PSTPIP2: variants seen among roughly 807,000 people sequenced by gnomAD.
PSTPIP2 encodes the protein proline-serine-threonine phosphatase interacting protein 2.
A neutral mutation model predicts 63.3 loss-of-function variants in PSTPIP2; 33 were observed. The observed-to-expected ratio is 0.52, with a 90% CI of 0.40 to 0.70. The LOEUF (loss-of-function observed/expected upper bound fraction) is 0.70, where lower values mean the gene tolerates loss of function less well. PSTPIP2 is among the 30% of genes least tolerant of loss of function. PSTPIP2 has a pLI of 0.00. For synonymous variants in PSTPIP2, 125 were observed against 132.7 expected, an observed-to-expected ratio of 0.94 and a Z score of 0.40; for missense variants, 312 against 400.7, an observed-to-expected ratio of 0.78 and a Z score of 1.89.
chr18:46,012,428 G>C (rs2051808674), intron 4 of PSTPIP2, among the ~76,000 whole-genome samples: 1 of 152,184 alleles, frequency 6.6e-6, no homozygotes. Flanking sequence ...GAGATGTATA[G>C]TATAACAGCA....
At chr18:45,995,350 G>A (rs895873410) in intron 9 of PSTPIP2, among the ~76,000 whole-genome samples, 1 of 152,062 alleles carries the variant, frequency 6.6e-6, no homozygotes, top group South Asian at 2.1e-4. Context: ...CAATCCACCC[G>A]CATCAGCCTC....
chr18:46,071,599 C>T (rs1024722493), intron 1 of PSTPIP2, among the ~76,000 whole-genome samples: 4 of 152,136 alleles, frequency 2.6e-5, no homozygotes, highest in Non-Finnish European at 4.4e-5. Context: ...GGGAAAGCTC[C>T]AGCAAAGGGA....
intron 1 of PSTPIP2, among the ~76,000 whole-genome samples, chr18:46,050,255 A>T (rs1462800381): frequency 2.0e-5 from 3 of 152,208 alleles, no homozygotes; most frequent in African/African-American, 7.2e-5. Flanking sequence ...GTACACAAGG[A>T]TGTTCAGTGC....
At chr18:46,010,330 T>C (rs1010708820) in intron 5 of PSTPIP2, among the ~76,000 whole-genome samples, 3 of 151,802 alleles carry the variant, frequency 2.0e-5, no homozygotes, top group Admixed American at 2.0e-4. Flanking sequence ...GTGAAAGAGG[T>C]CACCAAAAGT....
chr18:46,006,530 C>T (rs900763162), intron 5 of PSTPIP2, among the ~76,000 whole-genome samples: 6 of 151,720 alleles, frequency 4.0e-5, no homozygotes, highest in African/African-American at 9.7e-5. Flanking sequence ...CCCGCCACCA[C>T]GCCCAGCTAA....
chr18:45,984,925 A>G lies in PSTPIP2; in HGVS notation c.*534T>C, dbSNP rs1470539238. On this transcript the variant is annotated 3_prime_UTR_variant, in exon 15 of 15. Transcript: ENST00000409746. ...CATCAGCTAGGAAAACTGTAAGGAA[A>G]TTAATTTCACACTTGTAGGCTTTAT... 6.5e-6 allele frequency: 1 copy of G among 154,704 alleles called. No homozygotes were observed. The highest frequency in any genetic ancestry group is 1.4e-5 in the Non-Finnish European group (1 of 69,614). 9.6% of individuals were successfully genotyped at this position (154,704 alleles called of 1,614,324 possible).
intron 4 of PSTPIP2, among the ~76,000 whole-genome samples, chr18:46,013,824 C>A (rs1311210329): frequency 6.6e-6 from 1 of 152,066 alleles, no homozygotes; most frequent in East Asian, 1.9e-4. Context: ...AGAACTTCAC[C>A]CCAACAGAGA....
chr18:46,070,531 G>A (rs1412886080), intron 1 of PSTPIP2, among the ~76,000 whole-genome samples: 1 of 152,170 alleles, frequency 6.6e-6, no homozygotes, highest in Non-Finnish European at 1.5e-5. Flanking sequence ...TCGTTTTTGA[G>A]ACAAACACAA....
chr18:46,045,870 C>T (rs183314504), intron 1 of PSTPIP2, among the ~76,000 whole-genome samples: 143 of 152,264 alleles, frequency 9.4e-4, no homozygotes, highest in African/African-American at 3.4e-3. Context: ...CTCACTTGAG[C>T]CCAGGAGGTT....
intron 5 of PSTPIP2, among the ~76,000 whole-genome samples, chr18:46,006,468 T>C (rs2051729157): frequency 6.7e-6 from 1 of 149,602 alleles, no homozygotes; most frequent in South Asian, 2.1e-4. Context: ...GCCTTCTGGT[T>C]TCAAGCGAGT....
At chr18:46,033,756 T>C (rs549506972) in intron 2 of PSTPIP2, among the ~76,000 whole-genome samples, 1 of 144,518 alleles carries the variant, frequency 6.9e-6, no homozygotes, top group East Asian at 2.0e-4. Context: ...CACAGGATGA[T>C]AGAGGAAGAG....
chr18:45,996,182 A>G (rs1163792784), intron 9 of PSTPIP2, among the ~76,000 whole-genome samples: 1 of 152,210 alleles, frequency 6.6e-6, no homozygotes, highest in Non-Finnish European at 1.5e-5. Flanking sequence ...GAAGTTGACA[A>G]GTTCTCCATG....
chr18:45,990,745 A>G lies in PSTPIP2; in HGVS notation c.932T>C (p.Leu311Pro). The G allele has an allele frequency of 6.2e-7, 1 of 1,606,058 alleles. No individual in the cohort carries two copies. The highest frequency in any genetic ancestry group is 8.5e-7 in the Non-Finnish European group (1 of 1,173,362). ...TGPNLARRGP[L>P]PIPKSSPDDP... ...ACCTGGTGAGCTTTTAGGAATTGGG[A>G]GGGGTCCTCTCCTGTAAGAAATGAA... Residue 311 changes from leucine to proline, a missense_variant, in exon 13 of 15, where the codon CTC becomes CCC. Physicochemically the swap from Leu to Pro is moderately conservative, Grantham distance 98 (BLOSUM62 -3). Transcript: ENST00000409746.
chr18:46,047,356 T>G (rs981448185), intron 1 of PSTPIP2, among the ~76,000 whole-genome samples: 1 of 152,118 alleles, frequency 6.6e-6, no homozygotes, highest in Non-Finnish European at 1.5e-5. Context: ...GGGCAGATCA[T>G]AAGGTCAGGA....
chr18:46,012,732 C>A (rs1000656838), intron 4 of PSTPIP2, among the ~76,000 whole-genome samples: 4 of 152,138 alleles, frequency 2.6e-5, no homozygotes, highest in Non-Finnish European at 4.4e-5. Flanking sequence ...GAGATTGTGC[C>A]ACTGCACTTC....
At chr18:46,020,588 G>T (rs1249566478) in intron 3 of PSTPIP2, among the ~76,000 whole-genome samples, 2 of 152,100 alleles carry the variant, frequency 1.3e-5, no homozygotes, top group African/African-American at 4.8e-5. Context: ...GGAGGCAGAG[G>T]TTACAGTGAG....
At chr18:46,010,296 T>C (rs572837909) in intron 5 of PSTPIP2, among the ~76,000 whole-genome samples, 4 of 152,070 alleles carry the variant, frequency 2.6e-5, no homozygotes, top group Admixed American at 2.6e-4. Context: ...TAAGGAAAGG[T>C]TTCCAAAGGG....
rs188026409 is a variant in PSTPIP2 at position 45,992,144 on chromosome 18, T to C, written c.800A>G (p.Tyr267Cys). The C allele has an allele frequency of 2.5e-6, 4 of 1,608,910 alleles. No individual in the cohort carries two copies. In the Admixed American group the frequency reaches 5.1e-5, roughly 20 times the overall value. ...TCCAGTTTTGCGTTGATTCACAAAG[T>C]ATTCAATGTCCCTCTGAATGCTGCA... ...EMCSIQRDIE[Y>C]FVNQRKTGQI... is the part of the protein sequence containing the mutation. Residue 267 changes from tyrosine (Y) to cysteine (C), a missense_variant, in exon 11 of 15, where the codon TAC becomes TGC. Physicochemically the swap from Tyr to Cys is radical, Grantham distance 194 (BLOSUM62 -2). Transcript: ENST00000409746.
chr18:46,044,491 T>A (rs1209281640), intron 1 of PSTPIP2, among the ~76,000 whole-genome samples: 1 of 152,176 alleles, frequency 6.6e-6, no homozygotes, highest in Non-Finnish European at 1.5e-5. Flanking sequence ...TCCTTACACC[T>A]TATACAAAAA....
Sources: gnomAD v4.1 joint callset for allele counts (sites outside exome capture counted in the v4.1 genomes callset) on GRCh38, gnomAD v4.1.1 for gene constraint, MANE v1.5 for transcripts, NCBI Gene and HGNC (gene_info 2026-07-23, HGNC 2026-07-21) for gene names.